The following GABRA3 variants were observed in gnomAD, a reference collection of about 807,000 sequenced individuals.
GABRA3 encodes gamma-aminobutyric acid receptor subunit alpha-3.
In GABRA3, 10 loss-of-function variants were observed where a neutral mutation model predicts 30.1. The ratio of observed to expected loss-of-function variants is 0.33; its 90% CI spans 0.20 to 0.56. The LOEUF is 0.56. Among genes scored for constraint, GABRA3 ranks in the 20% least tolerant of loss-of-function variants. The probability of loss-of-function intolerance (pLI) is 0.89; values close to 1 mark genes in which losing one functional copy is unlikely to be tolerated. For synonymous variants in GABRA3, 151 were observed against 146.8 expected (o/e 1.03, Z -0.21); for missense variants, 233 against 392.0 (o/e 0.59, Z 3.42).
intron 3 of GABRA3, among the ~76,000 whole-genome samples, chrX:152,343,681 G>A (rs1051978331): frequency 4.5e-5 from 5 of 111,040 alleles, no homozygotes; most frequent in Non-Finnish European, 9.4e-5. Context: ...CTTCAATACC[G>A]CTCTACTCTA....
At chrX:152,299,926 A>C (rs1283654709) in intron 3 of GABRA3, among the ~76,000 whole-genome samples, 1 of 112,153 alleles carries the variant, frequency 8.9e-6, no homozygotes, top group Non-Finnish European at 1.9e-5. Flanking sequence ...TAAAACTCTG[A>C]GAGAAACCTC....
chrX:152,429,294 CCTCT>C (rs778474701), intron 1 of GABRA3, among the ~76,000 whole-genome samples: 2 of 110,047 alleles, frequency 1.8e-5, no homozygotes, highest in Non-Finnish European at 3.8e-5. Flanking sequence ...TCCCTCCCTC[CCTCT>C]CTTTCTCCAG....
At chrX:152,320,136 G>T (rs1337993328) in intron 3 of GABRA3, among the ~76,000 whole-genome samples, 2 of 111,555 alleles carry the variant, frequency 1.8e-5, no homozygotes, top group East Asian at 5.6e-4. Flanking sequence ...ATATAAACTA[G>T]TACAGCCACT....
intron 5 of GABRA3, among the ~76,000 whole-genome samples, chrX:152,243,657 C>T (rs1053611865): frequency 2.7e-5 from 3 of 111,349 alleles, no homozygotes; most frequent in African/African-American, 6.5e-5. Context: ...AGTGATGTAT[C>T]TAGGGAAGAC....
At chrX:152,326,548 T>C (rs1192029923) in intron 3 of GABRA3, among the ~76,000 whole-genome samples, 1 of 111,741 alleles carries the variant, frequency 8.9e-6, no homozygotes, top group Non-Finnish European at 1.9e-5. Flanking sequence ...GGGGCCGATA[T>C]TCAACATTCT....
At chrX:152,238,941 C>T (rs1274415342) in intron 5 of GABRA3, among the ~76,000 whole-genome samples, 1 of 111,280 alleles carries the variant, frequency 9.0e-6, no homozygotes, top group Non-Finnish European at 1.9e-5. Flanking sequence ...TTTCAAAAAA[C>T]CAGCTCCTGG....
chrX:152,332,820 T>C (rs1940183448), intron 3 of GABRA3, among the ~76,000 whole-genome samples: 1 of 112,406 alleles, frequency 8.9e-6, no homozygotes, highest in Admixed American at 9.4e-5. Context: ...GTGTTTTTGC[T>C]TTAACCCACA....
At chrX:152,213,167 T>C (rs141498981) in intron 6 of GABRA3, among the ~76,000 whole-genome samples, 3,081 of 111,849 alleles carry the variant, frequency 0.028, 96 homozygotes, top group African/African-American at 0.093. Flanking sequence ...AAAAAGGAAG[T>C]AACAAACAAT....
At chrX:152,183,158 G>C (rs927652271) in intron 9 of GABRA3, among the ~76,000 whole-genome samples, 9 of 109,478 alleles carry the variant, frequency 8.2e-5, no homozygotes, top group African/African-American at 3.0e-4. Flanking sequence ...TTAAGTGCTC[G>C]GTAGAATTCA....
At chrX:152,378,450 G>A (rs1021912489) in intron 1 of GABRA3, among the ~76,000 whole-genome samples, 1 of 111,635 alleles carries the variant, frequency 9.0e-6, no homozygotes, top group Non-Finnish European at 1.9e-5. Flanking sequence ...ACTTTAGAAA[G>A]TAAAATGTGT....
At chrX:152,227,577 A>C (rs1403394867) in intron 5 of GABRA3, among the ~76,000 whole-genome samples, 1 of 104,075 alleles carries the variant, frequency 9.6e-6, no homozygotes, top group Non-Finnish European at 2.0e-5. Flanking sequence ...AATTGTATAA[A>C]CTCATAATTA....
chrX:152,376,263 T>C (rs1018644603), intron 1 of GABRA3, among the ~76,000 whole-genome samples: 2 of 110,700 alleles, frequency 1.8e-5, no homozygotes, highest in Non-Finnish European at 1.9e-5. Context: ...CTCACTTCCT[T>C]GCCCCACTTC....
intron 1 of GABRA3, among the ~76,000 whole-genome samples, chrX:152,381,193 C>G (rs1179325478): frequency 8.9e-6 from 1 of 112,037 alleles, no homozygotes; most frequent in Non-Finnish European, 1.9e-5. Flanking sequence ...GAACTGTGAA[C>G]TAAATAAACT....
intron 1 of GABRA3, among the ~76,000 whole-genome samples, chrX:152,400,831 C>T (rs1929775337): frequency 9.0e-6 from 1 of 111,113 alleles, no homozygotes; most frequent in Non-Finnish European, 1.9e-5. Context: ...CTCAATCCTC[C>T]ATTGATGCTT....
rs1193521522 is a variant in GABRA3, at chrX:152,255,832, G to A, written c.497C>T (p.Thr166Met). 6 of 1,211,365 alleles carry A rather than the reference G, an allele frequency of 5.0e-6. No individual in the cohort carries two copies. Among genetic ancestry groups the A allele is most frequent in the Admixed American group, 2.2e-5 (1 of 46,022 alleles). Residue 166 changes from threonine to methionine, a missense_variant, in exon 5 of 10, where the codon ACG becomes ATG. Physicochemically the swap from Thr to Met is moderately conservative, Grantham distance 81 (BLOSUM62 -1). Around this residue, in one of 6 missense-constraint regions of GABRA3, gnomAD observed 42 missense variants for 116.2 expected, o/e 0.36. Coordinates refer to ENST00000370314, the MANE Select transcript of GABRA3 (RefSeq NM_000808.4). ...GKKSVAHNMT[T>M]PNKLLRLVDN... is the part of the protein sequence containing the mutation. ...CACCAATCTGAGCAGCTTGTTGGGCGTGGTCATGTTATGAGCCACTGATTT... is the reference window on the plus strand; with the variant it reads ...CACCAATCTGAGCAGCTTGTTGGGCATGGTCATGTTATGAGCCACTGATTT...
Position 152,393,693 on chromosome X carries a change from G to T in GABRA3, c.-26-29097C>A, listed in dbSNP as rs763370700. Among the ~76,000 whole-genome samples the T allele has an allele frequency of 1.3e-4, 14 of 111,810 alleles. No homozygotes were observed. In the South Asian group the frequency reaches 4.1e-3, roughly 33 times the overall value. ...CATGGCACATACTCAGGCAATCATG[G>T]TGCATGAGCAACTAACACTAATATT... On this transcript the variant is annotated intron_variant, in intron 1 of 9. Transcript: ENST00000370314.
chrX:152,244,224 A>G (rs780182774), intron 5 of GABRA3, among the ~76,000 whole-genome samples: 1 of 112,103 alleles, frequency 8.9e-6, no homozygotes, highest in African/African-American at 3.2e-5. Context: ...ACACTAACCC[A>G]ATGAGTAAAT....
intron 6 of GABRA3, among the ~76,000 whole-genome samples, chrX:152,214,984 A>G (rs1018928877): frequency 1.9e-4 from 20 of 107,591 alleles, no homozygotes; most frequent in Non-Finnish European, 3.3e-4. Context: ...GGATATATGT[A>G]TACACACACA....
Position 152,241,064 on chromosome X carries a change from A to G in GABRA3, c.551+14714T>C, listed in dbSNP as rs774704838. ...GAACTGCGTTCCTTTGGAGGAGGAGAAGAGGCGCTCTGCGTTTTAGAGTTT... is the reference window on the plus strand; with the variant it reads ...GAACTGCGTTCCTTTGGAGGAGGAGGAGAGGCGCTCTGCGTTTTAGAGTTT... On this transcript the variant is annotated intron_variant, in intron 5 of 9. Coordinates refer to ENST00000370314, the MANE Select transcript of GABRA3 (RefSeq NM_000808.4). Among the ~76,000 whole-genome samples the G allele has an allele frequency of 2.2e-4, 24 of 109,920 alleles. No individual in the cohort carries two copies. The South Asian group carries it at 7.5e-3, about 34-fold the overall frequency.
Sources: allele counts gnomAD v4.1 joint callset (sites outside exome capture counted in the v4.1 genomes callset), GRCh38; gene constraint gnomAD v4.1.1; regional missense constraint gnomAD v4.1.1; transcripts MANE v1.5; gene names NCBI Gene and HGNC (gene_info 2026-07-23, HGNC 2026-07-21).